The following CSNK1G2 variants were observed in gnomAD, a reference collection of about 807,000 sequenced individuals.
CSNK1G2 encodes casein kinase 1 gamma 2.
CSNK1G2 carries 11 observed loss-of-function variants against 48.0 expected under a neutral mutation model. The observed-to-expected ratio is 0.23, with a 90% CI of 0.14 to 0.38. The LOEUF (loss-of-function observed/expected upper bound fraction) is 0.38, where lower values mean the gene tolerates loss of function less well. Among genes scored for constraint, CSNK1G2 ranks in the 10% least tolerant of loss-of-function variants. The pLI, the probability that CSNK1G2 is intolerant of heterozygous loss-of-function variation, is 1.00. For missense variants in CSNK1G2, 446 were observed against 595.5 expected, an observed-to-expected ratio of 0.75 and a Z score of 2.61; for synonymous variants, 337 against 254.1, an observed-to-expected ratio of 1.33 and a Z score of -3.10.
In CSNK1G2 at chr19:1,981,048, C is replaced by G. The variant is rs1377701712; in HGVS notation, c.*845C>G. 1 of 152,374 alleles carries G rather than the reference C, an allele frequency of 6.6e-6. No individual in the cohort carries two copies. Among genetic ancestry groups the G allele is most frequent in the African/African-American group, 2.4e-5 (1 of 41,580 alleles). 9.4% of individuals were successfully genotyped at this position (152,374 alleles called of 1,614,324 possible). A position where few individuals can be genotyped will look rare whatever the true frequency, so the allele number is the denominator to read the frequency against. ...GGAGCTTCCTGCCTCTCTGCTCCGACACCCGGCAAGCAGCCGGAGACAAAA... is the reference window on the plus strand; with the variant it reads ...GGAGCTTCCTGCCTCTCTGCTCCGAGACCCGGCAAGCAGCCGGAGACAAAA... On this transcript the variant is annotated 3_prime_UTR_variant, in exon 12 of 12. Transcript: ENST00000255641.
At chr19:1,963,814 A>AT (rs2015278246) in intron 1 of CSNK1G2, among the ~76,000 whole-genome samples, 1 of 129,536 alleles carries the variant, frequency 7.7e-6, no homozygotes, top group African/African-American at 3.0e-5. Context: ...AGCCTCTACA[A>AT]ATTTTTTTTT....
intron 1 of CSNK1G2, among the ~76,000 whole-genome samples, chr19:1,944,627 C>G (rs1002281067): frequency 6.7e-6 from 1 of 150,226 alleles, no homozygotes; most frequent in African/African-American, 2.5e-5. Flanking sequence ...CTGTGCCGCC[C>G]TGTGACTGGC....
In CSNK1G2 at chr19:1,969,386, C is replaced by T. The variant is rs555589269; in HGVS notation, c.-265-122C>T. The T allele has an allele frequency of 4.3e-5, 7 of 163,098 alleles. No homozygotes were observed. In the South Asian group the frequency reaches 6.1e-4, roughly 14 times the overall value. The allele number at this position is 163,098 out of a possible 1,614,324, so 10.1% of individuals were successfully genotyped here. A position where few individuals can be genotyped will look rare whatever the true frequency, so the allele number is the denominator to read the frequency against. On this transcript the variant is annotated intron_variant, in intron 1 of 11. Transcript: ENST00000255641. Reference sequence around the variant, plus strand: ...AGGGACGGTGCTCATCATGCCCCGGCCTTCAGAGCTCCTTCCAGCCCAGCA... The same window carrying T: ...AGGGACGGTGCTCATCATGCCCCGGTCTTCAGAGCTCCTTCCAGCCCAGCA...
chr19:1,948,541 G>GC (rs2014652203), intron 1 of CSNK1G2, among the ~76,000 whole-genome samples: 2 of 76,074 alleles, frequency 2.6e-5, no homozygotes, highest in Admixed American at 2.8e-4. Context: ...AAAAAAAAAC[G>GC]CAAAAAAAAA....
intron 1 of CSNK1G2, among the ~76,000 whole-genome samples, chr19:1,966,348 G>C (rs915013725): frequency 1.3e-5 from 2 of 152,230 alleles, no homozygotes; most frequent in African/African-American, 4.8e-5. Flanking sequence ...CTTCAGTGGA[G>C]GAGGGACTGT....
intron 1 of CSNK1G2, among the ~76,000 whole-genome samples, chr19:1,947,104 C>T (rs1237997960): frequency 1.3e-5 from 2 of 152,162 alleles, no homozygotes; most frequent in East Asian, 3.8e-4. Flanking sequence ...TTTATTGTCA[C>T]CAGCGGTGTT....
intron 1 of CSNK1G2, chr19:1,953,560 C>T (rs902627979): frequency 1.6e-5 from 8 of 505,504 alleles, no homozygotes; most frequent in African/African-American, 1.6e-4. Context: ...ACAGTGCCCT[C>T]CGCCAAGGCT....
chr19:1,967,032 G>A (rs558262749), intron 1 of CSNK1G2, among the ~76,000 whole-genome samples: 3 of 122,794 alleles, frequency 2.4e-5, no homozygotes, highest in African/African-American at 8.4e-5. Flanking sequence ...ACCACGCCCC[G>A]CTTAATTAAA....
At chr19:1,961,010 C>T (rs553255649) in intron 1 of CSNK1G2, among the ~76,000 whole-genome samples, 14 of 152,324 alleles carry the variant, frequency 9.2e-5, no homozygotes, top group South Asian at 4.1e-4. Flanking sequence ...GGCCGGTGTG[C>T]GGCGGGGCGT....
chr19:1,978,214 C>G lies in CSNK1G2; in HGVS notation c.188-91C>G. 1 of 1,348,006 alleles carries G rather than the reference C, an allele frequency of 7.4e-7. No individual in the cohort carries two copies. The highest frequency in any genetic ancestry group is 1.1e-6 in the Non-Finnish European group (1 of 944,060). The allele number at this position is 1,348,006 out of a possible 1,614,324, so 83.5% of individuals were successfully genotyped here. ...ATTTGGAGGGTGGTCCTTCAGGGAC[C>G]CCCTCCTGCCTCCTGCCTCGGGGGT... On this transcript the variant is annotated intron_variant, in intron 2 of 11. Transcript: ENST00000255641. The surrounding 1 kb of genome is among the most constrained non-coding windows in gnomAD (Gnocchi z 7.3).
intron 1 of CSNK1G2, among the ~76,000 whole-genome samples, chr19:1,967,911 CCTCCCTCCTCCCTT>C (rs1199689728): frequency 3.2e-5 from 1 of 31,280 alleles, no homozygotes; most frequent in African/African-American, 1.5e-4. Context: ...AGGTGGGGCT[CCTCCCTCCTCCCTT>C]CTCCCCAGGC....
intron 2 of CSNK1G2, among the ~76,000 whole-genome samples, chr19:1,977,030 T>C (rs1036845676): frequency 1.3e-5 from 2 of 152,218 alleles, no homozygotes; most frequent in South Asian, 2.1e-4. Context: ...TAAGCCACCG[T>C]GCCCGGCCAC....
At chr19:1,980,126 A>G (rs147175680) in intron 11 of CSNK1G2, 23 bp from the exon 12 acceptor site, 28 of 1,612,556 alleles carry the variant, frequency 1.7e-5, no homozygotes, top group Non-Finnish European at 2.3e-5. Context: ...CGGTCCTCCT[A>G]CCTGAGCCAC....
Position 1,967,570 on chromosome 19 carries a change from A to G in CSNK1G2, c.-265-1938A>G, listed in dbSNP as rs939818427. On this transcript the variant is annotated intron_variant, in intron 1 of 11. Transcript: ENST00000255641. ...AGGGTTCTTGGCCTCCTGGGCGGGT[A>G]CCTGGCTTGAGGGCGACGAGGTGAC... 1.3e-4 allele frequency among the ~76,000 whole-genome samples: 20 copies of G among 152,144 alleles called. No individual in the cohort carries two copies. In the South Asian group the frequency reaches 2.7e-3, roughly 20 times the overall value.
At position 1,980,470 on chromosome 19, in the gene CSNK1G2, G is replaced by C. The variant is rs1599338702; in HGVS notation, c.*267G>C. 1.9e-6 allele frequency: 1 copy of C among 513,480 alleles called. No individual in the cohort carries two copies. Among genetic ancestry groups the C allele is most frequent in the Non-Finnish European group, 3.5e-6 (1 of 287,144 alleles). 31.8% of individuals were successfully genotyped at this position (513,480 alleles called of 1,614,324 possible). On this transcript the variant is annotated 3_prime_UTR_variant, in exon 12 of 12. Transcript: ENST00000255641. ...CATTAACTATTTAAAACAAGGAAAA[G>C]AGGAAAAAAAAAACAGAGGCCCGCC...
intron 1 of CSNK1G2, chr19:1,953,416 G>C (rs374758613): frequency 1.9e-6 from 1 of 534,548 alleles, no homozygotes; most frequent in Non-Finnish European, 3.8e-6. Flanking sequence ...CCGTCTTTGT[G>C]ATGGATTTGA....
At chr19:1,963,464 G>A (rs2015266857) in intron 1 of CSNK1G2, among the ~76,000 whole-genome samples, 2 of 151,656 alleles carry the variant, frequency 1.3e-5, no homozygotes, top group Admixed American at 6.6e-5. Context: ...CCCCTGCCTC[G>A]GCCTCCCAAA....
intron 2 of CSNK1G2, among the ~76,000 whole-genome samples, chr19:1,977,031 GC>G (rs1368389040): frequency 6.6e-6 from 1 of 152,190 alleles, no homozygotes; most frequent in Non-Finnish European, 1.5e-5. Flanking sequence ...AAGCCACCGT[GC>G]CCGGCCACAG....
intron 11 of CSNK1G2, 45 bp downstream of exon 11, chr19:1,980,062 G>C (rs759747701): frequency 2.5e-6 from 4 of 1,590,510 alleles, no homozygotes; most frequent in Non-Finnish European, 3.4e-6. Context: ...GGGTGCCCTG[G>C]GTCCCCATGG....
Sources: allele counts gnomAD v4.1 joint callset (sites outside exome capture counted in the v4.1 genomes callset), GRCh38; gene constraint gnomAD v4.1.1; non-coding constraint Gnocchi (gnomAD v3.1); transcripts MANE v1.5; gene names NCBI Gene and HGNC (gene_info 2026-07-23, HGNC 2026-07-21).